Variants in OR2C1 observed in about 807,000 individuals in gnomAD.
OR2C1 encodes olfactory receptor 2C1.
For synonymous variants in OR2C1, 209 were observed against 167.3 expected, an observed-to-expected ratio of 1.25 and a Z score of -1.92; for missense variants, 468 against 388.3, an observed-to-expected ratio of 1.21 and a Z score of -1.73.
chr16:3,334,905 G>A, the OR2C1 span, among the ~76,000 whole-genome samples: 5 of 151,070 alleles, frequency 3.3e-5, no homozygotes, highest in African/African-American at 7.3e-5. Flanking sequence ...TGCAGCCTCC[G>A]CCTCCCGAGT....
upstream of OR2C1, among the ~76,000 whole-genome samples, chr16:3,352,126 T>C (rs934799479): frequency 1.3e-5 from 2 of 151,472 alleles, no homozygotes; most frequent in African/African-American, 4.8e-5. Context: ...TAAATTTTAA[T>C]TTTTTTTTGA....
chr16:3,326,243 T>A, the OR2C1 span, among the ~76,000 whole-genome samples: 1 of 152,122 alleles, frequency 6.6e-6, no homozygotes, highest in Admixed American at 6.5e-5. Context: ...TGCATTCTTA[T>A]GATGACAGCC....
At chr16:3,331,213 C>T in the OR2C1 span, among the ~76,000 whole-genome samples, 1,377 of 152,180 alleles carry the variant, frequency 9.0e-3, 18 homozygotes, top group African/African-American at 0.031. Context: ...TTATGTCCTT[C>T]GCCCACTTTT....
At chr16:3,345,602 T>C in the OR2C1 span, among the ~76,000 whole-genome samples, 1 of 152,150 alleles carries the variant, frequency 6.6e-6, no homozygotes, top group African/African-American at 2.4e-5. Context: ...TGCACATATA[T>C]GTATCATTCA....
the OR2C1 span, among the ~76,000 whole-genome samples, chr16:3,338,911 T>C: frequency 1.3e-5 from 2 of 152,192 alleles, no homozygotes; most frequent in African/African-American, 2.4e-5. Context: ...TAATGACATT[T>C]AGTACATACA....
the OR2C1 span, among the ~76,000 whole-genome samples, chr16:3,333,007 G>C: frequency 4.0e-5 from 6 of 151,730 alleles, no homozygotes; most frequent in Non-Finnish European, 7.4e-5. Flanking sequence ...AGCGTACAAG[G>C]GTTCACCTTT....
chr16:3,329,290 G>C, the OR2C1 span, among the ~76,000 whole-genome samples: 1 of 150,108 alleles, frequency 6.7e-6, no homozygotes, highest in South Asian at 2.1e-4. Flanking sequence ...CAGAAGGAGA[G>C]AAAAATAAAC....
chr16:3,345,829 TTCCC>T, the OR2C1 span, among the ~76,000 whole-genome samples: 2 of 116,508 alleles, frequency 1.7e-5, no homozygotes. Context: ...CCTTCCTTCC[TTCCC>T]TCCTTCCTTC....
At chr16:3,337,629 A>T in the OR2C1 span, among the ~76,000 whole-genome samples, 49 of 152,176 alleles carry the variant, frequency 3.2e-4, no homozygotes, top group African/African-American at 1.1e-3. Context: ...TATATTTCTC[A>T]GATACATTTT....
chr16:3,349,750 T>G, the OR2C1 span, among the ~76,000 whole-genome samples: 3 of 151,712 alleles, frequency 2.0e-5, no homozygotes, highest in Admixed American at 1.3e-4. Flanking sequence ...GGCACTGATT[T>G]TGGGGGCCAG....
At chr16:3,337,329 A>AT in the OR2C1 span, among the ~76,000 whole-genome samples, 8 of 149,714 alleles carry the variant, frequency 5.3e-5, no homozygotes, top group East Asian at 6.0e-4. Context: ...TAATTTTTTA[A>AT]TTTTTTTGTT....
At position 3,356,132 on chromosome 16, in the gene OR2C1, C is replaced by T; in HGVS notation, c.192C>T (p.Ser64=). The change falls in exon 1 of 1, where the codon AGC becomes AGT. Residue 64 remains serine, a synonymous_variant. Coordinates refer to ENST00000304936, the MANE Select transcript of OR2C1 (RefSeq NM_012368.3). ...RLHTPMYFFL[S]NLSSLDLAFA... is the part of the protein sequence containing the mutation. ...ATACACCCATGTACTTCTTCCTCAGCAACCTCTCCTCCTTGGACCTTGCTT... is the reference window on the plus strand; with the variant it reads ...ATACACCCATGTACTTCTTCCTCAGTAACCTCTCCTCCTTGGACCTTGCTT... 6.2e-7 allele frequency: 1 copy of T among 1,614,216 alleles called. No individual in the cohort carries two copies. The highest frequency in any genetic ancestry group is 1.3e-5 in the African/African-American group (1 of 75,054).
At chr16:3,324,405 G>A in the OR2C1 span, among the ~76,000 whole-genome samples, 1 of 152,218 alleles carries the variant, frequency 6.6e-6, no homozygotes, top group South Asian at 2.1e-4. Context: ...TCCCAGGCTG[G>A]TCTCGAACTC....
the OR2C1 span, among the ~76,000 whole-genome samples, chr16:3,341,583 C>G: frequency 6.6e-5 from 10 of 152,158 alleles, no homozygotes; most frequent in Non-Finnish European, 1.5e-4. Context: ...CAACCCCCTC[C>G]TAAGATTCAA....
the OR2C1 span, among the ~76,000 whole-genome samples, chr16:3,345,569 A>G: frequency 6.6e-6 from 1 of 152,086 alleles, no homozygotes; most frequent in Non-Finnish European, 1.5e-5. Context: ...GTATATATAC[A>G]CACACACATA....
chr16:3,333,313 C>G, the OR2C1 span, among the ~76,000 whole-genome samples: 96 of 126,468 alleles, frequency 7.6e-4, no homozygotes, highest in African/African-American at 2.7e-3. Flanking sequence ...GGAGAGTTTA[C>G]AAATATTTTC....
At chr16:3,329,778 G>A in the OR2C1 span, among the ~76,000 whole-genome samples, 1 of 63,864 alleles carries the variant, frequency 1.6e-5, no homozygotes, top group Non-Finnish European at 3.0e-5. Flanking sequence ...TTTTTGAGGT[G>A]GAGTCTCACT....
chr16:3,349,263 G>A, the OR2C1 span, among the ~76,000 whole-genome samples: 2 of 152,172 alleles, frequency 1.3e-5, no homozygotes, highest in African/African-American at 4.8e-5. Context: ...TGTTTGGGGA[G>A]GGAGTTCAGG....
At chr16:3,330,760 A>G in the OR2C1 span, among the ~76,000 whole-genome samples, 1 of 152,008 alleles carries the variant, frequency 6.6e-6, no homozygotes, top group Non-Finnish European at 1.5e-5. Context: ...TTTATTTTTT[A>G]GAGACAGAGT....
Sources: allele counts gnomAD v4.1 joint callset (sites outside exome capture counted in the v4.1 genomes callset), GRCh38; gene constraint gnomAD v4.1.1; transcripts MANE v1.5; gene names NCBI Gene and HGNC (gene_info 2026-07-23, HGNC 2026-07-21).